DHX37: variants seen among roughly 807,000 people sequenced by gnomAD.
The protein encoded by DHX37 is DEAH-box helicase 37.
Under a neutral mutation model 134.3 loss-of-function variants are expected in DHX37, and 52 were observed. That is an observed-to-expected ratio of 0.39 (90% CI 0.31 to 0.49). The LOEUF is 0.49. DHX37 is among the 20% of genes least tolerant of loss of function. The pLI is 0.93. For synonymous variants in DHX37, 634 were observed against 670.7 expected, an observed-to-expected ratio of 0.95 and a Z score of 0.85; for missense variants, 1,344 against 1,580.8, an observed-to-expected ratio of 0.85 and a Z score of 2.54.
At position 124,947,735 on chromosome 12, in the gene DHX37, C is replaced by A; in HGVS notation, c.*67G>T. Reference sequence around the variant, plus strand: ...CCCATGCCAGGTGGTCACGGTCGCACGGTGACAGGCTGCTGCCAGCCCTCC... The same window carrying A: ...CCCATGCCAGGTGGTCACGGTCGCAAGGTGACAGGCTGCTGCCAGCCCTCC... On this transcript the variant is annotated 3_prime_UTR_variant, in exon 27 of 27. Coordinates refer to ENST00000308736, the MANE Select transcript of DHX37 (RefSeq NM_032656.4). The A allele has an allele frequency of 1.3e-6, 2 of 1,496,214 alleles. No homozygotes were observed. The highest frequency in any genetic ancestry group is 2.4e-5 in the Admixed American group (1 of 40,862). 92.7% of individuals were successfully genotyped at this position (1,496,214 alleles called of 1,614,324 possible). A position where few individuals can be genotyped will look rare whatever the true frequency, so the allele number is the denominator to read the frequency against.
chr12:124,960,289 C>T (rs376596486), intron 16 of DHX37, 23 bp downstream of exon 16: 56 of 1,601,298 alleles, frequency 3.5e-5, no homozygotes, highest in Middle Eastern at 1.9e-4. Context: ...TGGCTGAGAG[C>T]GGGGCTGGGG....
chr12:124,967,302 G>T (rs1954409459), intron 10 of DHX37, 84 bp from the exon 11 acceptor site: 3 of 1,443,246 alleles, frequency 2.1e-6, no homozygotes, highest in Non-Finnish European at 2.8e-6. Flanking sequence ...GCCATGCTCT[G>T]AGAGGCAAGG....
rs745484825 is a variant in DHX37 at position 124,950,239 on chromosome 12, G to A, written c.3126C>T (p.Arg1042=). The change falls in exon 24 of 27, where the codon CGC becomes CGT. Residue 1042 remains arginine (R), a synonymous_variant. Transcript: ENST00000308736. The stretch of plus-strand genomic sequence containing the variant: ...CGATGGCGGGGAGCGGCCAGCCCAC[G>A]CGATCTAGAAGGTGGGAGCCAGTGA... ...VLCHRASVFY[R]VGWPLPAIEV... 33 of 1,613,494 alleles carry A rather than the reference G, an allele frequency of 2.0e-5. No individual in the cohort carries two copies. In the East Asian group the frequency reaches 4.0e-4, roughly 20 times the overall value.
intron 16 of DHX37, 35 bp downstream of exon 16, chr12:124,960,277 G>T: frequency 6.3e-7 from 1 of 1,597,988 alleles, no homozygotes; most frequent in South Asian, 1.1e-5. Context: ...GGTCCACTGG[G>T]GTGGCTGAGA....
intron 18 of DHX37, among the ~76,000 whole-genome samples, chr12:124,955,927 C>CTG (rs1954084240): frequency 8.6e-6 from 1 of 116,914 alleles, no homozygotes; most frequent in African/African-American, 2.8e-5. Flanking sequence ...TGGGTGGGAC[C>CTG]GGGGAGGGGA....
At chr12:124,970,467 C>T (rs1954492394) in intron 8 of DHX37, among the ~76,000 whole-genome samples, 1 of 152,202 alleles carries the variant, frequency 6.6e-6, no homozygotes, top group Non-Finnish European at 1.5e-5. Context: ...AGGACCTTTG[C>T]ATTGCTCTCC....
At chr12:124,982,006 C>G (rs1954770821) in intron 3 of DHX37, among the ~76,000 whole-genome samples, 1 of 151,746 alleles carries the variant, frequency 6.6e-6, no homozygotes, top group Non-Finnish European at 1.5e-5. Context: ...GCCTGTAATC[C>G]CAGCTACTTG....
intron 18 of DHX37, 56 bp downstream of exon 18, chr12:124,956,635 C>A: frequency 6.8e-7 from 1 of 1,478,694 alleles, no homozygotes; most frequent in Admixed American, 2.3e-5. Flanking sequence ...ACTCTCAGCC[C>A]AGAGCCCCCG....
intron 16 of DHX37, 90 bp downstream of exon 16, chr12:124,960,222 C>T (rs1954204977): frequency 2.0e-6 from 3 of 1,533,378 alleles, no homozygotes; most frequent in African/African-American, 1.4e-5. Flanking sequence ...AGGCCAGGCA[C>T]CAGCAGACCC....
chr12:124,952,097 T>C (rs1400232177), intron 21 of DHX37, among the ~76,000 whole-genome samples: 1 of 152,132 alleles, frequency 6.6e-6, no homozygotes, highest in Non-Finnish European at 1.5e-5. Context: ...CAGTGAGCTA[T>C]GATTGTGCCA....
chr12:124,987,567 C>G (rs917476499), intron 1 of DHX37, among the ~76,000 whole-genome samples: 5 of 152,202 alleles, frequency 3.3e-5, no homozygotes, highest in African/African-American at 9.7e-5. Flanking sequence ...CCTGAATTGT[C>G]ACTGCCATCA....
rs751371906 is a variant in DHX37, at chr12:124,964,981, C to G, written c.1761G>C (p.Pro587=). Residue 587 remains proline, a synonymous_variant, in exon 14 of 27, where the codon CCG becomes CCC. Coordinates refer to ENST00000308736, the MANE Select transcript of DHX37 (RefSeq NM_032656.4). Reference sequence around the variant, plus strand: ...GAGAGTACAGCGGGAGCACGTGGAGCGGGAGGGAGGCATCCGGCTGCTCAC... The same window carrying G: ...GAGAGTACAGCGGGAGCACGTGGAGGGGGAGGGAGGCATCCGGCTGCTCAC... ...DGGEQPDASL[P]LHVLPLYSLL... is the part of the protein sequence containing the mutation. The G allele has an allele frequency of 3.4e-5, 55 of 1,598,744 alleles. No individual in the cohort carries two copies. Among genetic ancestry groups the G allele is most frequent in the Non-Finnish European group, 4.4e-5 (52 of 1,174,464 alleles).
intron 8 of DHX37, among the ~76,000 whole-genome samples, chr12:124,970,942 C>A (rs1373903442): frequency 6.6e-6 from 1 of 152,254 alleles, no homozygotes; most frequent in Non-Finnish European, 1.5e-5. Context: ...TGGCCCTTGG[C>A]TGGGCAGGCC....
intron 16 of DHX37, among the ~76,000 whole-genome samples, chr12:124,958,132 T>C (rs771322176): frequency 1.1e-4 from 17 of 152,152 alleles, no homozygotes; most frequent in Non-Finnish European, 2.2e-4. Context: ...TCTGGGGTGA[T>C]GAAAATGGCC....
rs11829165 is a variant in DHX37 at position 124,954,166 on chromosome 12, C to T, written c.2499G>A (p.Arg833=). ...DEELTRLKSK[R]ARVAQMKRTW... ...TCCTCTTCATCTGGGCCACCCGGGC[C>T]CGCTTGCTCTTCAGCCTGGTGAGCT... Residue 833 remains arginine (R), a synonymous_variant, in exon 19 of 27, where the codon CGG becomes CGA. Transcript: ENST00000308736. 6.2e-7 allele frequency: 1 copy of T among 1,611,688 alleles called. No homozygotes were observed. Among genetic ancestry groups the T allele is most frequent in the Non-Finnish European group, 8.5e-7 (1 of 1,179,100 alleles).
intron 15 of DHX37, among the ~76,000 whole-genome samples, chr12:124,961,744 T>C (rs950559640): frequency 6.6e-6 from 1 of 152,004 alleles, no homozygotes; most frequent in Non-Finnish European, 1.5e-5. Context: ...CTCTTACAGA[T>C]CAATAATAAA....
At position 124,964,934 on chromosome 12, in the gene DHX37, G is replaced by A. The variant is rs1323325724; in HGVS notation, c.1808C>T (p.Ala603Val). 3 of 1,592,028 alleles carry A rather than the reference G, an allele frequency of 1.9e-6. No individual in the cohort carries two copies. The highest frequency in any genetic ancestry group is 1.7e-6 in the Non-Finnish European group (2 of 1,171,018). The change falls in exon 14 of 27, where the codon GCA becomes GTA. Residue 603 changes from alanine to valine, a missense_variant. Physicochemically the swap from Ala to Val is moderately conservative, Grantham distance 64 (BLOSUM62 0). This residue lies in a region of DHX37 where 289 missense variants were observed against 323.8 expected (regional missense o/e 0.89). Coordinates refer to ENST00000308736, the MANE Select transcript of DHX37 (RefSeq NM_032656.4). ...LYSLLAPEKQ[A>V]QVFKPPPEGT... Reference sequence around the variant, plus strand: ...GCACCGGCCCAGCACGGTTACCTGTGCTTGCTTCTCTGGGGCCAGCAGAGA... The same window carrying A: ...GCACCGGCCCAGCACGGTTACCTGTACTTGCTTCTCTGGGGCCAGCAGAGA...
chr12:124,964,818 C>T, intron 14 of DHX37, 112 bp downstream of exon 14: 2 of 1,436,408 alleles, frequency 1.4e-6, no homozygotes, highest in Non-Finnish European at 1.9e-6. Context: ...CCTCAAAACT[C>T]TGGGGATGCT....
intron 1 of DHX37, among the ~76,000 whole-genome samples, chr12:124,986,728 C>T (rs1954880847): frequency 6.6e-6 from 1 of 151,580 alleles, no homozygotes; most frequent in Non-Finnish European, 1.5e-5. Context: ...AGAAAACCCC[C>T]CAAAAAATAC....
Sources: allele counts gnomAD v4.1 joint callset (sites outside exome capture counted in the v4.1 genomes callset), GRCh38; gene constraint gnomAD v4.1.1; regional missense constraint gnomAD v4.1.1; transcripts MANE v1.5; gene names NCBI Gene and HGNC (gene_info 2026-07-23, HGNC 2026-07-21).